RNF38: variants seen among roughly 807,000 people sequenced by gnomAD.
RNF38 encodes ring finger protein 38, also known as E3 ubiquitin-protein ligase RNF38.
Under a neutral mutation model 67.2 loss-of-function variants are expected in RNF38, and 15 were observed. That is an observed-to-expected ratio of 0.22 (90% CI 0.15 to 0.34). The LOEUF is 0.34. RNF38 is among the 10% of genes least tolerant of loss of function. The pLI, the probability that RNF38 is intolerant of heterozygous loss-of-function variation, is 1.00. For synonymous variants in RNF38, 220 were observed against 218.8 expected (o/e 1.01, Z -0.05); for missense variants, 524 against 639.9 (o/e 0.82, Z 1.95).
intron 1 of RNF38, among the ~76,000 whole-genome samples, chr9:36,396,954 A>C (rs1425293940): frequency 2.0e-5 from 3 of 151,132 alleles, no homozygotes; most frequent in African/African-American, 7.3e-5. Flanking sequence ...AAAAGACTGA[A>C]AGGAATAAAA....
intron 2 of RNF38, among the ~76,000 whole-genome samples, chr9:36,383,156 C>T (rs1391836696): frequency 2.6e-5 from 4 of 152,176 alleles, no homozygotes; most frequent in African/African-American, 9.7e-5. Context: ...TTATTCTCCA[C>T]AAGCTGAGGT....
intron 2 of RNF38, among the ~76,000 whole-genome samples, chr9:36,413,153 T>TG (rs952859107): frequency 1.3e-4 from 20 of 149,406 alleles, no homozygotes; most frequent in Admixed American, 5.4e-4. Flanking sequence ...CATTTGAACC[T>TG]GGGGGGGCAG....
At chr9:36,433,686 C>CAAAA (rs199573932) in intron 1 of RNF38, among the ~76,000 whole-genome samples, 5 of 68,860 alleles carry the variant, frequency 7.3e-5, no homozygotes, top group African/African-American at 1.9e-4. Context: ...GACTTCGCCT[C>CAAAA]AAAAAAAAAA....
At chr9:36,434,815 T>C (rs748628224) in intron 1 of RNF38, among the ~76,000 whole-genome samples, 1 of 152,218 alleles carries the variant, frequency 6.6e-6, no homozygotes, top group African/African-American at 2.4e-5. Context: ...AGATTAGAAC[T>C]GGCTCCATGA....
At chr9:36,432,110 C>A (rs555842750) in intron 1 of RNF38, among the ~76,000 whole-genome samples, 1 of 151,854 alleles carries the variant, frequency 6.6e-6, no homozygotes, top group African/African-American at 2.4e-5. Context: ...TCTCCCATGG[C>A]TTAATATTAA....
intron 2 of RNF38, among the ~76,000 whole-genome samples, chr9:36,406,773 A>G (rs531310432): frequency 6.6e-6 from 1 of 152,364 alleles, no homozygotes; most frequent in African/African-American, 2.4e-5. Context: ...GGATGCAGAA[A>G]AAATAAATTT....
chr9:36,442,547 C>T (rs1261600128), intron 1 of RNF38, among the ~76,000 whole-genome samples: 5 of 152,106 alleles, frequency 3.3e-5, no homozygotes, highest in Admixed American at 6.5e-5. Flanking sequence ...TTTGGGAGGC[C>T]GAGGCGGGCG....
intron 1 of RNF38, among the ~76,000 whole-genome samples, chr9:36,427,060 G>C (rs985211569): frequency 7.9e-5 from 12 of 152,010 alleles, no homozygotes; most frequent in Non-Finnish European, 1.6e-4. Context: ...TTTTTTGCTA[G>C]AGCTGTTTCA....
intron 2 of RNF38, among the ~76,000 whole-genome samples, chr9:36,413,179 A>G (rs1191306200): frequency 6.6e-6 from 1 of 151,868 alleles, no homozygotes; most frequent in East Asian, 1.9e-4. Flanking sequence ...GCAGTGAGCC[A>G]AGAATGCGCC....
At chr9:36,344,997 T>C (rs772059537) in intron 9 of RNF38, 44 bp from the exon 10 acceptor site, 9 of 1,587,472 alleles carry the variant, frequency 5.7e-6, no homozygotes, top group South Asian at 2.3e-5. Flanking sequence ...TCTTTACATT[T>C]TGCATTCCAA....
At chr9:36,385,366 C>G (rs1836529174) in intron 2 of RNF38, among the ~76,000 whole-genome samples, 1 of 149,654 alleles carries the variant, frequency 6.7e-6, no homozygotes, top group Non-Finnish European at 1.5e-5. Flanking sequence ...TGCTGCTGGT[C>G]TGATCCACTA....
chr9:36,478,878 A>G (rs539741054), intron 1 of RNF38, among the ~76,000 whole-genome samples: 105 of 151,744 alleles, frequency 6.9e-4, no homozygotes, highest in African/African-American at 2.5e-3. Context: ...CAAGTTATGT[A>G]TTCGGCTTTT....
rs1391999759 is a variant in RNF38 at position 36,423,765 on chromosome 9, C to G, written n.312+848G>C. 1.5e-4 allele frequency among the ~76,000 whole-genome samples: 6 copies of G among 38,908 alleles called. 1 individual carries two copies. Among genetic ancestry groups the G allele is most frequent in the East Asian group, 1.0e-3 (2 of 1,948 alleles). 25.5% of individuals were successfully genotyped at this position (38,908 alleles called of 152,430 possible). On this transcript the variant is annotated intron_variant and non_coding_transcript_variant, in intron 2 of 3. Coordinates refer to the RNF38 transcript ENST00000488058. ...GAAATCGAGACCATCCTGGCTAACA[C>G]GGTGAAACCCCGTCTCTACTAAAAA... is the stretch of plus-strand genomic sequence containing the variant.
At chr9:36,400,857 G>C (rs548772777), upstream of RNF38, 1 of 924,654 alleles carries the variant, frequency 1.1e-6, no homozygotes, top group African/African-American at 2.2e-5. Context: ...CCTCGGCCCC[G>C]TCCCGCAACA....
Position 36,393,477 on chromosome 9 carries a change from T to TGTGTG in RNF38, c.13-2862_13-2861insCACAC, listed in dbSNP as rs1554689571. Among the ~76,000 whole-genome samples the TGTGTG allele has an allele frequency of 3.4e-3, 298 of 87,760 alleles. 1 individual carries two copies. Among genetic ancestry groups the TGTGTG allele is most frequent in the African/African-American group, 7.4e-3 (189 of 25,656 alleles). 57.6% of individuals were successfully genotyped at this position (87,760 alleles called of 152,430 possible). A position where few individuals can be genotyped will look rare whatever the true frequency, so the allele number is the denominator to read the frequency against. ...GGTAAAATAAAATCACACACACACATTGTGTGTGTGTGTGTGTGTGTGTGT... is the reference window on the plus strand; with the variant it reads ...GGTAAAATAAAATCACACACACACATGTGTGTGTGTGTGTGTGTGTGTGTGTGTGT... On this transcript the variant is annotated intron_variant, in intron 1 of 11. Transcript: ENST00000259605.
At chr9:36,474,979 T>C (rs983505567) in intron 1 of RNF38, among the ~76,000 whole-genome samples, 2 of 146,236 alleles carry the variant, frequency 1.4e-5, no homozygotes, top group African/African-American at 5.1e-5. Context: ...CCATGTCTAC[T>C]AAAAATAAAA....
chr9:36,382,984 T>C (rs1330944604), intron 2 of RNF38, among the ~76,000 whole-genome samples: 2 of 152,156 alleles, frequency 1.3e-5, no homozygotes, highest in Non-Finnish European at 2.9e-5. Context: ...TGAAAACACT[T>C]AGAAATCAAC....
chr9:36,403,726 T>C (rs976381673), upstream of RNF38, among the ~76,000 whole-genome samples: 1 of 152,220 alleles, frequency 6.6e-6, no homozygotes, highest in Non-Finnish European at 1.5e-5. Flanking sequence ...GTTCTGCCAT[T>C]CTAATACATG....
chr9:36,451,663 G>A (rs1018074594), intron 1 of RNF38, among the ~76,000 whole-genome samples: 1 of 151,404 alleles, frequency 6.6e-6, no homozygotes, highest in Non-Finnish European at 1.5e-5. Context: ...ACCATGCCCA[G>A]CTAATTTTGT....
Sources: allele counts gnomAD v4.1 joint callset (sites outside exome capture counted in the v4.1 genomes callset), GRCh38; gene constraint gnomAD v4.1.1; transcripts MANE v1.5; gene names NCBI Gene and HGNC (gene_info 2026-07-23, HGNC 2026-07-21).